UBE2H: variants seen among roughly 807,000 people sequenced by gnomAD.
UBE2H encodes the protein ubiquitin-conjugating enzyme E2 H.
A neutral mutation model predicts 29.0 loss-of-function variants in UBE2H; 3 were observed. The observed-to-expected ratio is 0.10, with a 90% confidence interval of 0.05 to 0.27. The LOEUF is 0.27. Ranked by LOEUF, UBE2H falls within the 10% of genes least tolerant of loss-of-function variation. The pLI, the probability that UBE2H is intolerant of heterozygous loss-of-function variation, is 1.00. For missense variants in UBE2H, 68 were observed against 228.2 expected (o/e 0.30, Z 4.52); for synonymous variants, 69 against 82.9 (o/e 0.83, Z 0.91).
At chr7:129,940,674 G>A (rs929845838) in intron 1 of UBE2H, among the ~76,000 whole-genome samples, 7 of 152,162 alleles carry the variant, frequency 4.6e-5, no homozygotes, top group Admixed American at 2.0e-4. Flanking sequence ...GCCATGTAGG[G>A]CTTCCCCAGG....
At chr7:129,855,494 AC>A (rs1805687570) in intron 5 of UBE2H, among the ~76,000 whole-genome samples, 1 of 152,226 alleles carries the variant, frequency 6.6e-6, no homozygotes, top group Non-Finnish European at 1.5e-5. Context: ...TGTTGCCTCA[AC>A]TATATGCCAT....
Position 129,892,065 on chromosome 7 carries a change from G to A in UBE2H, c.54-11094C>T, listed in dbSNP as rs7808364. On this transcript the variant is annotated intron_variant, in intron 1 of 6. Coordinates refer to ENST00000355621, the MANE Select transcript of UBE2H (RefSeq NM_003344.4). ...CCTCCCAGGTTCACGCCATCCTCCTGCCTCAGCCTCCCAAGCAGCTGGGAC... is the reference window on the plus strand; with the variant it reads ...CCTCCCAGGTTCACGCCATCCTCCTACCTCAGCCTCCCAAGCAGCTGGGAC... Among the ~76,000 whole-genome samples, 1,471 of 149,116 alleles carry A rather than the reference G, an allele frequency of 9.9e-3. 25 individuals are homozygous for A. The highest frequency in any genetic ancestry group is 0.034 in the African/African-American group (1,388 of 40,464).
At chr7:129,910,655 G>C (rs764231841) in intron 1 of UBE2H, among the ~76,000 whole-genome samples, 3 of 152,028 alleles carry the variant, frequency 2.0e-5, no homozygotes, top group Non-Finnish European at 2.9e-5. Flanking sequence ...GCCGAGGAAG[G>C]CTGATTGTCT....
intron 1 of UBE2H, among the ~76,000 whole-genome samples, chr7:129,914,771 CAG>C (rs1356268425): frequency 2.0e-5 from 3 of 152,168 alleles, no homozygotes; most frequent in African/African-American, 4.8e-5. Context: ...TTTAGTTGTT[CAG>C]AGTCAAAGCT....
intron 5 of UBE2H, among the ~76,000 whole-genome samples, chr7:129,854,520 CA>C (rs2116309175): frequency 6.6e-6 from 1 of 152,342 alleles, no homozygotes; most frequent in African/African-American, 2.4e-5. Context: ...ACATGTAACA[CA>C]GAAGTCTGCT....
chr7:129,949,776 T>C (rs927738054), intron 1 of UBE2H, among the ~76,000 whole-genome samples: 2 of 152,124 alleles, frequency 1.3e-5, no homozygotes, highest in African/African-American at 4.8e-5. Context: ...ACTTTCCTAC[T>C]ATATAGGTTC....
intron 1 of UBE2H, among the ~76,000 whole-genome samples, chr7:129,939,681 T>C (rs7788714): frequency 1.1e-3 from 170 of 152,222 alleles, no homozygotes; most frequent in African/African-American, 3.7e-3. Flanking sequence ...AAATCCAGGC[T>C]GGGCACGGTG....
intron 1 of UBE2H, among the ~76,000 whole-genome samples, chr7:129,886,860 C>T (rs1160061704): frequency 1.4e-5 from 2 of 142,444 alleles, no homozygotes; most frequent in Non-Finnish European, 3.0e-5. Flanking sequence ...GATATGTTTA[C>T]AAGGAATCCT....
At chr7:129,911,852 A>C (rs1806944807) in intron 1 of UBE2H, among the ~76,000 whole-genome samples, 1 of 152,134 alleles carries the variant, frequency 6.6e-6, no homozygotes. Context: ...TATGTTGCCC[A>C]GGCTAATCTC....
intron 5 of UBE2H, among the ~76,000 whole-genome samples, chr7:129,840,016 A>T (rs370741201): frequency 2.6e-5 from 4 of 152,062 alleles, no homozygotes; most frequent in African/African-American, 9.7e-5. Context: ...AGCCTTGAAC[A>T]CAATTTTATA....
chr7:129,839,080 A>C, intron 6 of UBE2H, 127 bp downstream of exon 6: 11 of 1,378,608 alleles, frequency 8.0e-6, no homozygotes, highest in African/African-American at 1.5e-5. Context: ...ACTTCAGCCC[A>C]CAGCTGTCTC....
chr7:129,895,286 G>C (rs1806577610), intron 1 of UBE2H, among the ~76,000 whole-genome samples: 1 of 152,148 alleles, frequency 6.6e-6, no homozygotes, highest in Non-Finnish European at 1.5e-5. Context: ...ACAGGCGGAA[G>C]ACCTAGACCT....
At chr7:129,920,848 C>CAAAAAAAAAAAAAAAAAAAAAAAGA (rs11347186) in intron 1 of UBE2H, among the ~76,000 whole-genome samples, 1 of 73,998 alleles carries the variant, frequency 1.4e-5, no homozygotes, top group Non-Finnish European at 2.6e-5. Context: ...TAGAAAAAGT[C>CAAAAAAAAAAAAAAAAAAAAAAAGA]AAAAAAAAAA....
chr7:129,944,748 A>ACACACACG lies in UBE2H; in HGVS notation c.53+7754_53+7755insCGTGTGTG, dbSNP rs34490269. On this transcript the variant is annotated intron_variant, in intron 1 of 6. Coordinates refer to ENST00000355621, the MANE Select transcript of UBE2H (RefSeq NM_003344.4). ...CACACACACACACACACACACACAC[A>ACACACACG]CACGCACGCACGCACGCGCATGCGC... 5.7e-3 allele frequency among the ~76,000 whole-genome samples: 797 copies of ACACACACG among 140,106 alleles called. 3 individuals carry two copies. The highest frequency in any genetic ancestry group is 0.016 in the African/African-American group (582 of 37,168). 91.9% of individuals were successfully genotyped at this position (140,106 alleles called of 152,430 possible).
At chr7:129,890,984 A>C (rs1447799288) in intron 1 of UBE2H, among the ~76,000 whole-genome samples, 1 of 151,434 alleles carries the variant, frequency 6.6e-6, no homozygotes, top group South Asian at 2.1e-4. Flanking sequence ...AATACAAAAC[A>C]AATTAGCTGG....
intron 1 of UBE2H, among the ~76,000 whole-genome samples, chr7:129,905,771 A>G (rs1481241117): frequency 6.6e-6 from 1 of 152,194 alleles, no homozygotes; most frequent in African/African-American, 2.4e-5. Flanking sequence ...AATACCATTC[A>G]GCAATCGAGG....
At chr7:129,905,778 G>A (rs549073889) in intron 1 of UBE2H, among the ~76,000 whole-genome samples, 1 of 152,096 alleles carries the variant, frequency 6.6e-6, no homozygotes, top group African/African-American at 2.4e-5. Context: ...TTCAGCAATC[G>A]AGGAATAAGA....
intron 1 of UBE2H, among the ~76,000 whole-genome samples, chr7:129,935,003 ATG>A (rs769803644): frequency 1.4e-3 from 208 of 149,304 alleles, no homozygotes; most frequent in South Asian, 3.2e-3. Context: ...GTGTGTGTAT[ATG>A]TGTGTGTGTG....
intron 1 of UBE2H, among the ~76,000 whole-genome samples, chr7:129,892,394 G>C (rs1401118397): frequency 6.6e-6 from 1 of 151,968 alleles, no homozygotes; most frequent in African/African-American, 2.4e-5. Context: ...TGGGATTACA[G>C]GTGCACACCA....
Sources: allele counts gnomAD v4.1 joint callset (sites outside exome capture counted in the v4.1 genomes callset), GRCh38; gene constraint gnomAD v4.1.1; transcripts MANE v1.5; gene names NCBI Gene and HGNC (gene_info 2026-07-23, HGNC 2026-07-21).